The following AKR1E2 variants were observed in gnomAD, a reference collection of about 807,000 sequenced individuals.
The protein encoded by AKR1E2 is aldo-keto reductase family 1 member E2, also known as 1,5-anhydro-D-fructose reductase.
In AKR1E2, 43 loss-of-function variants were observed where a neutral mutation model predicts 41.9. That is an observed-to-expected ratio of 1.03 (90% CI 0.80 to 1.32). The LOEUF (loss-of-function observed/expected upper bound fraction) is 1.32. AKR1E2 is among the 40% of genes most tolerant of loss of function. The probability of loss-of-function intolerance (pLI) is 0.00; values close to 1 mark genes in which losing one functional copy is unlikely to be tolerated. For synonymous variants in AKR1E2, 121 were observed against 138.9 expected, an observed-to-expected ratio of 0.87 and a Z score of 0.91; for missense variants, 423 against 396.5, an observed-to-expected ratio of 1.07 and a Z score of -0.57.
At chr10:4,860,901 A>G in the AKR1E2 span, among the ~76,000 whole-genome samples, 1 of 152,188 alleles carries the variant, frequency 6.6e-6, no homozygotes, top group African/African-American at 2.4e-5. Flanking sequence ...AACTGCAGCT[A>G]AGGATGCCTC....
the AKR1E2 span, among the ~76,000 whole-genome samples, chr10:4,866,651 T>TG: frequency 1.1e-5 from 1 of 90,152 alleles, no homozygotes; most frequent in Non-Finnish European, 2.5e-5. Context: ...TTTTGTTTTT[T>TG]TTTTTTTTTG....
chr10:4,840,148 C>G (rs1833757860), intron 6 of AKR1E2, among the ~76,000 whole-genome samples: 1 of 152,072 alleles, frequency 6.6e-6, no homozygotes, highest in African/African-American at 2.4e-5. Flanking sequence ...AAGGATGCTC[C>G]CCAGGCCTCT....
rs1221096614 is a variant in AKR1E2 at position 4,841,837 on chromosome 10, C to G, written c.733C>G (p.His245Asp). Residue 245 changes from histidine (H) to aspartate (D), a missense_variant, in exon 7 of 10, where the codon CAC becomes GAC. Physicochemically the swap from His to Asp is moderately conservative, Grantham distance 81. Coordinates refer to ENST00000298375, the MANE Select transcript of AKR1E2 (RefSeq NM_001040177.3). Reference protein sequence around the residue: ...NPVIKRIAKEHGKSPAQILIR... With the variant: ...NPVIKRIAKEDGKSPAQILIR... ...TGTGATCAAGAGGATTGCAAAGGAG[C>G]ACGGCAAGTCTCCTGCTCAGGTAGG... is the stretch of plus-strand genomic sequence containing the variant. The G allele has an allele frequency of 1.9e-6, 3 of 1,613,364 alleles. No individual in the cohort carries two copies. The highest frequency in any genetic ancestry group is 2.5e-6 in the Non-Finnish European group (3 of 1,179,748).
chr10:4,826,195 G>C, upstream of AKR1E2: 2 of 647,252 alleles, frequency 3.1e-6, no homozygotes, highest in Non-Finnish European at 4.4e-6. Context: ...AGCCATTGTC[G>C]GAGTGTCAGC....
At chr10:4,870,807 G>A in the AKR1E2 span, among the ~76,000 whole-genome samples, 4 of 151,878 alleles carry the variant, frequency 2.6e-5, no homozygotes, top group Admixed American at 2.0e-4. Context: ...TACTCTGTAG[G>A]TTTATGTGTA....
At chr10:4,853,104 A>C in the AKR1E2 span, among the ~76,000 whole-genome samples, 1 of 152,246 alleles carries the variant, frequency 6.6e-6, no homozygotes, top group South Asian at 2.1e-4. Flanking sequence ...GGGGAAAGTA[A>C]GCCCCTAAAA....
chr10:4,863,873 A>C, the AKR1E2 span, among the ~76,000 whole-genome samples: 1 of 152,328 alleles, frequency 6.6e-6, no homozygotes, highest in East Asian at 1.9e-4. Context: ...GAAATGGATA[A>C]ATTCCTCGAC....
the AKR1E2 span, among the ~76,000 whole-genome samples, chr10:4,856,129 G>A: frequency 6.6e-6 from 1 of 152,174 alleles, no homozygotes; most frequent in Admixed American, 6.5e-5. Context: ...CTACATGCAA[G>A]GTATGTAAAG....
At chr10:4,862,012 A>C in the AKR1E2 span, among the ~76,000 whole-genome samples, 1 of 152,188 alleles carries the variant, frequency 6.6e-6, no homozygotes, top group Non-Finnish European at 1.5e-5. Flanking sequence ...GCCCATGCCT[A>C]TGTCCTGAAT....
At chr10:4,868,569 G>T in the AKR1E2 span, among the ~76,000 whole-genome samples, 1 of 152,036 alleles carries the variant, frequency 6.6e-6, no homozygotes, top group Non-Finnish European at 1.5e-5. Context: ...TTGTCTTACT[G>T]TATTGGCTAA....
chr10:4,826,936 C>CT (rs1330459546), intron 1 of AKR1E2, among the ~76,000 whole-genome samples: 1 of 151,746 alleles, frequency 6.6e-6, no homozygotes, highest in African/African-American at 2.4e-5. Context: ...ATCAGCTGGG[C>CT]TTGGGGGTGC....
chr10:4,840,628 C>A (rs564787535), intron 6 of AKR1E2, among the ~76,000 whole-genome samples: 1 of 152,246 alleles, frequency 6.6e-6, no homozygotes, highest in Non-Finnish European at 1.5e-5. Context: ...CTGTGAACAT[C>A]CTGGGCTTCA....
the AKR1E2 span, among the ~76,000 whole-genome samples, chr10:4,854,995 A>G: frequency 6.6e-6 from 1 of 152,164 alleles, no homozygotes. Context: ...CATGTACAGG[A>G]TCATGGGACA....
chr10:4,825,102 C>T, upstream of AKR1E2: 1 of 435,914 alleles, frequency 2.3e-6, no homozygotes, highest in South Asian at 1.6e-5. Flanking sequence ...CCCTTCCCAC[C>T]TGTGAGGAGC....
Position 4,847,578 on chromosome 10 carries a change from T to A in AKR1E2, c.*48T>A. 1.3e-6 allele frequency: 2 copies of A among 1,596,692 alleles called. No individual in the cohort carries two copies. The highest frequency in any genetic ancestry group is 1.7e-6 in the Non-Finnish European group (2 of 1,167,056). On this transcript the variant is annotated 3_prime_UTR_variant, in exon 10 of 10. Transcript: ENST00000298375. ...CTGCTCAGCCCAGATGCACAGACAC[T>A]ATTGGCAATGTTGACCCTCCTCTGT...
intron 4 of AKR1E2, among the ~76,000 whole-genome samples, chr10:4,836,721 CA>C (rs1442511770): frequency 2.0e-5 from 3 of 152,194 alleles, no homozygotes; most frequent in Non-Finnish European, 4.4e-5. Flanking sequence ...CTTTCTGTCA[CA>C]ATGTTTTAGG....
chr10:4,838,803 C>T (rs934342795), intron 5 of AKR1E2, among the ~76,000 whole-genome samples: 3 of 152,078 alleles, frequency 2.0e-5, no homozygotes, highest in African/African-American at 4.8e-5. Context: ...TAGTAGCTTC[C>T]GTTTTGTGTC....
At chr10:4,843,850 C>T (rs1834080782) in intron 8 of AKR1E2, among the ~76,000 whole-genome samples, 1 of 152,212 alleles carries the variant, frequency 6.6e-6, no homozygotes, top group South Asian at 2.1e-4. Context: ...TCTCAGGCGT[C>T]CTGCTCTTTG....
In AKR1E2 at chr10:4,835,623, T is replaced by TG. The variant is rs72159239; in HGVS notation, c.325-52_325-51insG. 9.1e-5 allele frequency: 135 copies of TG among 1,491,266 alleles called. No individual in the cohort carries two copies. In the African/African-American group the frequency reaches 1.7e-3, roughly 19 times the overall value. The allele number at this position is 1,491,266 out of a possible 1,614,324, so 92.4% of individuals were successfully genotyped here. A position where few individuals can be genotyped will look rare whatever the true frequency, so the allele number is the denominator to read the frequency against. On this transcript the variant is annotated intron_variant, in intron 3 of 9. Coordinates refer to ENST00000298375, the MANE Select transcript of AKR1E2 (RefSeq NM_001040177.3). The stretch of plus-strand genomic sequence containing the variant: ...TGCAGGTCTCCTGACACATGGTTTT[T>TG]TTTGTTTTGTTTTGTTTTGTTTTCA...
Sources: allele counts gnomAD v4.1 joint callset (sites outside exome capture counted in the v4.1 genomes callset), GRCh38; gene constraint gnomAD v4.1.1; transcripts MANE v1.5; gene names NCBI Gene and HGNC (gene_info 2026-07-23, HGNC 2026-07-21).